NUDCD1: variants seen among roughly 807,000 people sequenced by gnomAD.
NUDCD1 encodes the protein NudC domain containing 1, also known as nudC domain-containing protein 1.
Under a neutral mutation model 67.8 loss-of-function variants are expected in NUDCD1, and 60 were observed. The observed-to-expected ratio is 0.88, with a 90% CI of 0.72 to 1.10. NUDCD1 has a LOEUF of 1.10. Among genes scored for constraint, NUDCD1 ranks in the 50% least tolerant of loss-of-function variants. NUDCD1 has a pLI of 0.00. For synonymous variants in NUDCD1, 244 were observed against 230.8 expected (o/e 1.06, Z -0.52); for missense variants, 643 against 695.0 (o/e 0.93, Z 0.84).
chr8:109,326,270 T>C (rs1199844518), intron 1 of NUDCD1, among the ~76,000 whole-genome samples: 1 of 152,222 alleles, frequency 6.6e-6, no homozygotes, highest in Non-Finnish European at 1.5e-5. Context: ...CTAGGCCATA[T>C]TACATGCTAT....
chr8:109,244,586 A>G (rs190589129), intron 9 of NUDCD1, among the ~76,000 whole-genome samples: 7 of 152,302 alleles, frequency 4.6e-5, no homozygotes, highest in Admixed American at 4.6e-4. Context: ...TTCTTCTACA[A>G]TTAGGGTTGT....
chr8:109,274,768 T>G (rs1349764682), intron 7 of NUDCD1, among the ~76,000 whole-genome samples: 1 of 152,076 alleles, frequency 6.6e-6, no homozygotes, highest in Non-Finnish European at 1.5e-5. Flanking sequence ...GATATCATTG[T>G]TAGAAAACGA....
intron 3 of NUDCD1, among the ~76,000 whole-genome samples, chr8:109,295,489 TA>T (rs1428266658): frequency 2.0e-5 from 3 of 152,170 alleles, no homozygotes; most frequent in African/African-American, 7.2e-5. Context: ...ATTTACTGTG[TA>T]TTTTGAACAT....
intron 9 of NUDCD1, 133 bp downstream of exon 9, chr8:109,245,189 C>G: frequency 3.6e-6 from 3 of 841,256 alleles, no homozygotes; most frequent in South Asian, 2.0e-5. Context: ...TACAAGCAAA[C>G]AAATCATAGC....
chr8:109,275,155 T>C (rs1173921064), intron 7 of NUDCD1, among the ~76,000 whole-genome samples, 197 bp downstream of exon 7: 3 of 152,122 alleles, frequency 2.0e-5, no homozygotes, highest in Non-Finnish European at 2.9e-5. Context: ...TGACCACACA[T>C]ATATGTATGT....
intron 8 of NUDCD1, among the ~76,000 whole-genome samples, chr8:109,257,103 C>T (rs1436463368): frequency 6.6e-6 from 1 of 152,082 alleles, no homozygotes; most frequent in Non-Finnish European, 1.5e-5. Flanking sequence ...GACAAGAATT[C>T]CTATTCTCAT....
At chr8:109,261,027 T>G (rs1313732103) in intron 8 of NUDCD1, among the ~76,000 whole-genome samples, 1 of 152,182 alleles carries the variant, frequency 6.6e-6, no homozygotes, top group Non-Finnish European at 1.5e-5. Flanking sequence ...GTAGAACACT[T>G]TAATCCAAGG....
chr8:109,297,290 C>A (rs1341498604), intron 2 of NUDCD1, among the ~76,000 whole-genome samples: 2 of 152,288 alleles, frequency 1.3e-5, no homozygotes, highest in South Asian at 4.1e-4. Context: ...CTACATTTAG[C>A]CTACTATGAA....
At chr8:109,252,263 A>G (rs530544407) in intron 8 of NUDCD1, among the ~76,000 whole-genome samples, 1 of 152,254 alleles carries the variant, frequency 6.6e-6, no homozygotes, top group South Asian at 2.1e-4. Context: ...GAGGTTTTTC[A>G]GAGATACTGC....
chr8:109,322,498 A>C, intron 1 of NUDCD1, 35 bp from the exon 2 acceptor site: 2 of 1,554,624 alleles, frequency 1.3e-6, no homozygotes. Context: ...AAACATCAAG[A>C]GTTTTGCCTC....
chr8:109,329,745 T>C (rs1815761060), intron 1 of NUDCD1: 1 of 1,440,348 alleles, frequency 6.9e-7, no homozygotes, highest in South Asian at 1.3e-5. Context: ...TTGTAGTTTA[T>C]TGTCAATTAT....
At chr8:109,312,021 G>A (rs148108411) in intron 2 of NUDCD1, among the ~76,000 whole-genome samples, 9 of 152,172 alleles carry the variant, frequency 5.9e-5, no homozygotes, top group South Asian at 2.1e-4. Flanking sequence ...AAAAAAAGTC[G>A]GCTGGGCGCG....
In NUDCD1 at chr8:109,333,981, C is replaced by G; in HGVS notation, c.30G>C (p.Arg10=). 1 of 1,614,154 alleles carries G rather than the reference C, an allele frequency of 6.2e-7. No homozygotes were observed. Among genetic ancestry groups the G allele is most frequent in the Non-Finnish European group, 8.5e-7 (1 of 1,179,990 alleles). MEVAANCSL[R]VKRPLLDPRF... Reference sequence around the variant, plus strand: ...GGGGATCCAACAGAGGTCTCTTCACCCGTAGGGAGCAATTAGCCGCCACCT... The same window carrying G: ...GGGGATCCAACAGAGGTCTCTTCACGCGTAGGGAGCAATTAGCCGCCACCT... The change falls in exon 1 of 10, where the codon CGG becomes CGC. Residue 10 remains arginine (R), a synonymous_variant. Coordinates refer to ENST00000239690, the MANE Select transcript of NUDCD1 (RefSeq NM_032869.4).
chr8:109,332,706 T>A (rs986127589), intron 1 of NUDCD1, among the ~76,000 whole-genome samples: 1 of 152,182 alleles, frequency 6.6e-6, no homozygotes, highest in Non-Finnish European at 1.5e-5. Flanking sequence ...CTTCACTTTC[T>A]AATGCACTAA....
chr8:109,243,309 G>C lies in NUDCD1; in HGVS notation c.1460-8C>G. 1 of 1,550,656 alleles carries C rather than the reference G, an allele frequency of 6.4e-7. No individual in the cohort carries two copies. The highest frequency in any genetic ancestry group is 8.7e-7 in the Non-Finnish European group (1 of 1,144,050). ...TTGATGCTTGGACATAGCCTGCCAAGAATATGAGACAAACAAAAGAAAAAC... is the reference window on the plus strand; with the variant it reads ...TTGATGCTTGGACATAGCCTGCCAACAATATGAGACAAACAAAAGAAAAAC... On this transcript the variant is annotated splice_region_variant and splice_polypyrimidine_tract_variant and intron_variant, in intron 9 of 9. Coordinates refer to ENST00000239690, the MANE Select transcript of NUDCD1 (RefSeq NM_032869.4).
At chr8:109,328,616 C>T (rs1346664107) in intron 1 of NUDCD1, among the ~76,000 whole-genome samples, 1 of 152,080 alleles carries the variant, frequency 6.6e-6, no homozygotes, top group African/African-American at 2.4e-5. Flanking sequence ...TGGAGAAAAC[C>T]CTTAATTTGT....
rs1814998131 is a variant in NUDCD1, at chr8:109,301,826, C to A, written c.274-5257G>T. 2.0e-5 allele frequency among the ~76,000 whole-genome samples: 3 copies of A among 152,386 alleles called. No individual in the cohort carries two copies. In the East Asian group the frequency reaches 5.8e-4, roughly 29 times the overall value. ...CCAGTCATGGACTCGGGAAGACAGT[C>A]TTCCCTTGGTGTTTAATCACTGCAG... On this transcript the variant is annotated intron_variant, in intron 2 of 9. Coordinates refer to ENST00000239690, the MANE Select transcript of NUDCD1 (RefSeq NM_032869.4).
At chr8:109,267,598 A>G (rs1814032219) in intron 8 of NUDCD1, among the ~76,000 whole-genome samples, 2 of 152,316 alleles carry the variant, frequency 1.3e-5, no homozygotes, top group African/African-American at 4.8e-5. Flanking sequence ...TAATCATAAA[A>G]AGAAAGTTTG....
chr8:109,301,347 C>A (rs1422202814), intron 2 of NUDCD1, among the ~76,000 whole-genome samples: 1 of 152,172 alleles, frequency 6.6e-6, no homozygotes, highest in Admixed American at 6.5e-5. Context: ...ACTTTGTACA[C>A]CTATCCCAAA....
Sources: allele counts gnomAD v4.1 joint callset (sites outside exome capture counted in the v4.1 genomes callset), GRCh38; gene constraint gnomAD v4.1.1; transcripts MANE v1.5; gene names NCBI Gene and HGNC (gene_info 2026-07-23, HGNC 2026-07-21).